MAP1LC3B: variants seen among roughly 807,000 people sequenced by gnomAD.
MAP1LC3B encodes the protein microtubule-associated protein 1 light chain 3 beta.
In MAP1LC3B, 12 loss-of-function variants were observed where a neutral mutation model predicts 16.7. The ratio of observed to expected loss-of-function variants is 0.72; its 90% confidence interval spans 0.46 to 1.16. The LOEUF is 1.16. MAP1LC3B is among the 50% of genes most tolerant of loss of function. The probability of loss-of-function intolerance (pLI) is 0.00; values close to 1 mark genes in which losing one functional copy is unlikely to be tolerated. For synonymous variants in MAP1LC3B, 63 were observed against 56.5 expected (o/e 1.11, Z -0.51); for missense variants, 155 against 159.5 (o/e 0.97, Z 0.15).
chr16:87,398,948 GT>G, intron 2 of MAP1LC3B, 78 bp downstream of exon 2: 1 of 1,277,328 alleles, frequency 7.8e-7, no homozygotes, highest in Non-Finnish European at 1.1e-6. Flanking sequence ...CACTTGACGG[GT>G]TTTTACAGGA....
Position 87,398,799 on chromosome 16 carries a change from C to G in MAP1LC3B, c.41-16C>G. 1 of 1,613,840 alleles carries G rather than the reference C, an allele frequency of 6.2e-7. No individual in the cohort carries two copies. Among genetic ancestry groups the G allele is most frequent in the South Asian group, 1.1e-5 (1 of 91,074 alleles). ...CTGGCCCTTAGTAATGCTTCTGTCTCTTCATTTCATTGCAGAACAAAGAGT... is the reference window on the plus strand; with the variant it reads ...CTGGCCCTTAGTAATGCTTCTGTCTGTTCATTTCATTGCAGAACAAAGAGT... On this transcript the variant is annotated splice_polypyrimidine_tract_variant and intron_variant, in intron 1 of 3. Transcript: ENST00000268607.
At chr16:87,393,846 T>A (rs1418250887) in intron 1 of MAP1LC3B, among the ~76,000 whole-genome samples, 1 of 152,226 alleles carries the variant, frequency 6.6e-6, no homozygotes, top group African/African-American at 2.4e-5. Context: ...GCTAAAGCGA[T>A]CCAGCGGCCC....
At position 87,398,684 on chromosome 16, in the gene MAP1LC3B, C is replaced by T. The variant is rs1043334100; in HGVS notation, c.41-131C>T. 4 of 778,204 alleles carry T rather than the reference C, an allele frequency of 5.1e-6. No homozygotes were observed. In the African/African-American group the frequency reaches 5.2e-5, roughly 10 times the overall value. The allele number at this position is 778,204 out of a possible 1,614,324, so 48.2% of individuals were successfully genotyped here. ...GTGTTCGTGTTTTGTTTCTTTAAGT[C>T]CTAGGAAAGATGTCTTCAGTGTTCT... On this transcript the variant is annotated intron_variant, in intron 1 of 3. Transcript: ENST00000268607.
intron 1 of MAP1LC3B, among the ~76,000 whole-genome samples, chr16:87,395,682 C>T (rs1176953630): frequency 6.6e-6 from 1 of 152,058 alleles, no homozygotes; most frequent in African/African-American, 2.4e-5. Flanking sequence ...GGGTGTTATT[C>T]TTTACAGCTT....
At chr16:87,402,441 A>C in intron 3 of MAP1LC3B, 160 bp downstream of exon 3, 1 of 709,580 alleles carries the variant, frequency 1.4e-6, no homozygotes, top group East Asian at 2.8e-5. Context: ...ATTTCAACTT[A>C]AACTATAAAA....
chr16:87,398,778 C>T (rs1247918086), intron 1 of MAP1LC3B, 37 bp from the exon 2 acceptor site: 5 of 1,600,026 alleles, frequency 3.1e-6, no homozygotes, highest in Non-Finnish European at 4.3e-6. Context: ...AGCTGCCTGG[C>T]CCTTAGTAAT....
chr16:87,400,468 C>T (rs996975140), intron 2 of MAP1LC3B, among the ~76,000 whole-genome samples: 12 of 152,176 alleles, frequency 7.9e-5, no homozygotes, highest in South Asian at 2.1e-4. Flanking sequence ...CGTGAGCCAC[C>T]GCACCTGGCC....
chr16:87,396,104 G>T (rs1207941725), intron 1 of MAP1LC3B, among the ~76,000 whole-genome samples: 1 of 151,270 alleles, frequency 6.6e-6, no homozygotes, highest in Non-Finnish European at 1.5e-5. Flanking sequence ...CAGGTGATCC[G>T]CCCGCCTTGG....
Position 87,396,535 on chromosome 16 carries a change from G to A in MAP1LC3B, c.41-2280G>A, listed in dbSNP as rs1399450447. On this transcript the variant is annotated intron_variant, in intron 1 of 3. Transcript: ENST00000268607. Reference sequence around the variant, plus strand: ...ACGTTTCTACTTTTAGATTTATTAGGATAAGCTTTTAAATGTGAAACATTC... The same window carrying A: ...ACGTTTCTACTTTTAGATTTATTAGAATAAGCTTTTAAATGTGAAACATTC... Among the ~76,000 whole-genome samples the A allele has an allele frequency of 1.3e-5, 2 of 152,000 alleles. 1 individual carries two copies. Among genetic ancestry groups the A allele is most frequent in the South Asian group, 4.1e-4 (2 of 4,832 alleles).
At chr16:87,402,142 CTA>C in intron 2 of MAP1LC3B, 31 bp from the exon 3 acceptor site, 1 of 1,612,676 alleles carries the variant, frequency 6.2e-7, no homozygotes, top group Non-Finnish European at 8.5e-7. Flanking sequence ...GCCCTGATGA[CTA>C]TTTTAAAATC....
At chr16:87,395,474 T>A (rs150800034) in intron 1 of MAP1LC3B, among the ~76,000 whole-genome samples, 1 of 152,332 alleles carries the variant, frequency 6.6e-6, no homozygotes, top group East Asian at 1.9e-4. Flanking sequence ...AGTAAAAGAC[T>A]TGCCCTCCTT....
At chr16:87,399,961 A>T (rs1045496262) in intron 2 of MAP1LC3B, 9 of 180,272 alleles carry the variant, frequency 5.0e-5, no homozygotes, top group African/African-American at 2.2e-4. Flanking sequence ...TTTAGTAGAG[A>T]CAGGGTTTCA....
At chr16:87,394,257 C>G (rs1407913482) in intron 1 of MAP1LC3B, among the ~76,000 whole-genome samples, 3 of 142,944 alleles carry the variant, frequency 2.1e-5, no homozygotes, top group Non-Finnish European at 4.6e-5. Flanking sequence ...TGTTACCTTT[C>G]CTTGCTTCTG....
At chr16:87,402,896 T>C (rs908939865) in intron 3 of MAP1LC3B, 27 bp from the exon 4 acceptor site, 4 of 1,613,210 alleles carry the variant, frequency 2.5e-6, no homozygotes, top group Non-Finnish European at 2.5e-6. Context: ...GTTGTCAATA[T>C]TTCTTCACGT....
At chr16:87,392,627 C>A (rs1907628328) in intron 1 of MAP1LC3B, 160 bp downstream of exon 1, 1 of 592,092 alleles carries the variant, frequency 1.7e-6, no homozygotes, top group East Asian at 7.4e-5. Flanking sequence ...GGGCCCGGGG[C>A]CCCGTGAGGG....
At position 87,392,441 on chromosome 16, in the gene MAP1LC3B, A is replaced by C; in HGVS notation, c.14A>C (p.Lys5Thr). The C allele has an allele frequency of 7.1e-7, 1 of 1,415,082 alleles. No individual in the cohort carries two copies. Among genetic ancestry groups the C allele is most frequent in the South Asian group, 1.5e-5 (1 of 67,984 alleles). 87.7% of individuals were successfully genotyped at this position (1,415,082 alleles called of 1,614,324 possible). ...GATCCCTGCACCATGCCGTCGGAGA[A>C]GACCTTCAAGCAGCGCCGCACCTTC... Reference protein sequence around the residue: MPSEKTFKQRRTFEQ... With the variant: MPSETTFKQRRTFEQ... The change falls in exon 1 of 4, where the codon AAG becomes ACG. Residue 5 changes from lysine to threonine, a missense_variant. Lys to Thr is a moderately conservative substitution (Grantham distance 78, BLOSUM62 -1). Coordinates refer to ENST00000268607, the MANE Select transcript of MAP1LC3B (RefSeq NM_022818.5).
rs1413143819 is a variant in MAP1LC3B, at chr16:87,402,283, TATTC to T, written c.203+4_203+7del. 6.2e-7 allele frequency: 1 copy of T among 1,612,458 alleles called. No homozygotes were observed. Among genetic ancestry groups the T allele is most frequent in the East Asian group, 2.2e-5 (1 of 44,900 alleles). On this transcript the variant is annotated splice_donor_5th_base_variant and intron_variant, in intron 3 of 3. Coordinates refer to ENST00000268607, the MANE Select transcript of MAP1LC3B (RefSeq NM_022818.5). ...GAGTGAGCTCATCAAGATAATTAGGTATTCAGTCACCTTTGTTTCATAATATATT... is the reference window on the plus strand; with the variant it reads ...GAGTGAGCTCATCAAGATAATTAGGTAGTCACCTTTGTTTCATAATATATT...
intron 2 of MAP1LC3B, 103 bp downstream of exon 2, chr16:87,398,973 C>A: frequency 3.0e-6 from 3 of 990,448 alleles, no homozygotes; most frequent in Non-Finnish European, 4.8e-6. Flanking sequence ...ACCAGACAGC[C>A]AAACCCTGGG....
intron 1 of MAP1LC3B, chr16:87,392,998 ACCT>A (rs1230716175): frequency 1.3e-5 from 2 of 151,934 alleles, no homozygotes; most frequent in African/African-American, 4.8e-5. Flanking sequence ...CCTCTTACAG[ACCT>A]CAGTGCCTCG....
Sources: allele counts gnomAD v4.1 joint callset (sites outside exome capture counted in the v4.1 genomes callset), GRCh38; gene constraint gnomAD v4.1.1; transcripts MANE v1.5; gene names NCBI Gene and HGNC (gene_info 2026-07-23, HGNC 2026-07-21).